Variants in FAM83G observed in about 807,000 individuals in gnomAD.
The protein encoded by FAM83G is scaffolding CK1 anchoring protein G, also known as protein FAM83G.
Under a neutral mutation model 61.5 loss-of-function variants are expected in FAM83G, and 38 were observed. That is an observed-to-expected ratio of 0.62 (90% CI 0.48 to 0.81). The LOEUF (loss-of-function observed/expected upper bound fraction) is 0.81. Among genes scored for constraint, FAM83G ranks in the 30% least tolerant of loss-of-function variants. The pLI is 0.00. For missense variants in FAM83G, 989 were observed against 1,133.6 expected, an observed-to-expected ratio of 0.87 and a Z score of 1.83; for synonymous variants, 470 against 476.1, an observed-to-expected ratio of 0.99 and a Z score of 0.17.
At chr17:18,989,338 T>C (rs565361754) in intron 2 of FAM83G, among the ~76,000 whole-genome samples, 48 of 152,238 alleles carry the variant, frequency 3.2e-4, no homozygotes, top group Middle Eastern at 3.4e-3. Flanking sequence ...ATGCGGAGAT[T>C]CAGGGTGGTG....
At chr17:18,982,558 G>A (rs969009398) in intron 3 of FAM83G, among the ~76,000 whole-genome samples, 4 of 152,210 alleles carry the variant, frequency 2.6e-5, no homozygotes, top group Non-Finnish European at 5.9e-5. Flanking sequence ...TCATAAGTAA[G>A]AGAGGACGTC....
chr17:18,985,685 C>A (rs1199211107), intron 3 of FAM83G, among the ~76,000 whole-genome samples: 1 of 152,204 alleles, frequency 6.6e-6, no homozygotes, highest in Non-Finnish European at 1.5e-5. Context: ...AGCTCAGAGG[C>A]GAGAATGAGG....
At position 19,003,696 on chromosome 17, in the gene FAM83G, A is replaced by C. The variant is rs1369055750; in HGVS notation, c.346T>G (p.Ser116Ala). 1.2e-6 allele frequency: 2 copies of C among 1,607,802 alleles called. No individual in the cohort carries two copies. The part of the protein sequence containing the change: ...GVPIEAEPLP[S>A]LEYWPQKSDR... ...GACTTCTGGGGCCAGTACTCCAGGGAGGGCAGCGGCTCGGCCTCGATGGGG... is the reference window on the plus strand; with the variant it reads ...GACTTCTGGGGCCAGTACTCCAGGGCGGGCAGCGGCTCGGCCTCGATGGGG... Residue 116 changes from serine (S) to alanine (A), a missense_variant, in exon 2 of 6, where the codon TCC (serine) becomes GCC (alanine). This residue lies in a region of FAM83G where 371 missense variants were observed against 404.5 expected (regional missense o/e 0.92). Coordinates refer to ENST00000388995, the MANE Select transcript of FAM83G (RefSeq NM_001039999.3). This position sits in a 1 kb window ranked among gnomAD's most constrained non-coding sequence, Gnocchi z 4.5.
chr17:18,988,527 C>T (rs2043326467), intron 2 of FAM83G, 113 bp from the exon 3 acceptor site: 1 of 1,517,116 alleles, frequency 6.6e-7, no homozygotes, highest in East Asian at 2.3e-5. Flanking sequence ...GGTGCCCACT[C>T]TGGCCCTACT....
At chr17:18,983,958 AT>A (rs1365407026) in intron 3 of FAM83G, among the ~76,000 whole-genome samples, 1 of 152,182 alleles carries the variant, frequency 6.6e-6, no homozygotes, top group Non-Finnish European at 1.5e-5. Context: ...GTTTAACAAC[AT>A]CCTTGGCCAC....
Position 18,978,848 on chromosome 17 carries a change from A to G in FAM83G, c.818T>C (p.Phe273Ser). The change falls in exon 5 of 6, where the codon TTC becomes TCC. Residue 273 changes from phenylalanine (F) to serine (S), a missense_variant and splice_region_variant. Physicochemically the swap from Phe to Ser is radical, Grantham distance 155. This residue lies in a region of FAM83G where 371 missense variants were observed against 404.5 expected (regional missense o/e 0.92). Transcript: ENST00000388995. The part of the protein sequence containing the change: ...GDRAVCGSYS[F>S]TWSAARTDRN... The stretch of plus-strand genomic sequence containing the variant: ...GTCCGTCCGCGCGGCCGACCACGTG[A>G]AGCTGCAACAGAGGGAGGGGGCGCT... The G allele has an allele frequency of 6.2e-7, 1 of 1,611,254 alleles. No homozygotes were observed. Among genetic ancestry groups the G allele is most frequent in the Non-Finnish European group, 8.5e-7 (1 of 1,178,622 alleles).
In FAM83G at chr17:18,971,885, T is replaced by A; in HGVS notation, c.2083-137A>T. 1 of 890,188 alleles carries A rather than the reference T, an allele frequency of 1.1e-6. No homozygotes were observed. The highest frequency in any genetic ancestry group is 1.7e-6 in the Non-Finnish European group (1 of 601,626). 55.1% of individuals were successfully genotyped at this position (890,188 alleles called of 1,614,324 possible). On this transcript the variant is annotated intron_variant, in intron 5 of 5. Transcript: ENST00000388995. This position sits in a 1 kb window ranked among gnomAD's most constrained non-coding sequence, Gnocchi z 5.5. ...TCTGCCATTCACCAGGGAGTGGGCC[T>A]AGACCAGTTGGTTTAGTCACTCGAT...
Position 18,999,952 on chromosome 17 carries a change from G to C in FAM83G, c.522+3568C>G, listed in dbSNP as rs116333723. 3.2e-3 allele frequency among the ~76,000 whole-genome samples: 483 copies of C among 152,356 alleles called. 5 individuals are homozygous for C. The highest frequency in any genetic ancestry group is 0.011 in the African/African-American group (463 of 41,578). On this transcript the variant is annotated intron_variant, in intron 2 of 5. Transcript: ENST00000388995. ...CCCCCTGCTGTGTCCTGTTGAGGGG[G>C]GCTCAGCATCTGCTGGAGGAGCAAC...
intron 5 of FAM83G, chr17:18,976,803 C>T (rs1199745967): frequency 6.2e-7 from 1 of 1,601,846 alleles, no homozygotes. Context: ...CCAATCCTGA[C>T]ACAAGTGTCC....
Position 18,971,095 on chromosome 17 carries a change from C to G in FAM83G, c.*264G>C. 1.2e-6 allele frequency: 2 copies of G among 1,614,102 alleles called. No individual in the cohort carries two copies. The stretch of plus-strand genomic sequence containing the variant: ...CCTCCAGGACCATTGCCAACACCAC[C>G]TGCCACCTGCCACGTACAGACGCCA... On this transcript the variant is annotated 3_prime_UTR_variant, in exon 6 of 6. Coordinates refer to ENST00000388995, the MANE Select transcript of FAM83G (RefSeq NM_001039999.3). This position sits in a 1 kb window ranked among gnomAD's most constrained non-coding sequence, Gnocchi z 5.5.
At chr17:18,994,626 A>G (rs1335922628) in intron 2 of FAM83G, among the ~76,000 whole-genome samples, 1 of 152,158 alleles carries the variant, frequency 6.6e-6, no homozygotes, top group Non-Finnish European at 1.5e-5. Context: ...AGGACCGGGA[A>G]TAGTGTATGT....
rs1351487425 is a variant in FAM83G at position 18,971,870 on chromosome 17, A to T, written c.2083-122T>A. ...GGTTCGCCTCCTGGCTCTGCCATTC[A>T]CCAGGGAGTGGGCCTAGACCAGTTG... On this transcript the variant is annotated intron_variant, in intron 5 of 5. Coordinates refer to ENST00000388995, the MANE Select transcript of FAM83G (RefSeq NM_001039999.3). The surrounding 1 kb of genome is among the most constrained non-coding windows in gnomAD (Gnocchi z 5.5). 18 of 1,052,876 alleles carry T rather than the reference A, an allele frequency of 1.7e-5. No individual in the cohort carries two copies. The highest frequency in any genetic ancestry group is 2.3e-5 in the Non-Finnish European group (17 of 744,404). The allele number at this position is 1,052,876 out of a possible 1,614,324, so 65.2% of individuals were successfully genotyped here. A position where few individuals can be genotyped will look rare whatever the true frequency, so the allele number is the denominator to read the frequency against.
At chr17:19,002,827 G>A (rs899300448) in intron 2 of FAM83G, among the ~76,000 whole-genome samples, 2 of 152,198 alleles carry the variant, frequency 1.3e-5, no homozygotes, top group Admixed American at 6.5e-5. Flanking sequence ...GGGTGGAGAA[G>A]GGGAGGGCCA....
At chr17:18,992,276 G>T (rs751721108) in intron 2 of FAM83G, among the ~76,000 whole-genome samples, 1 of 152,186 alleles carries the variant, frequency 6.6e-6, no homozygotes, top group African/African-American at 2.4e-5. Flanking sequence ...GGGACAGGGG[G>T]ACATCCGCCT....
chr17:18,976,662 G>T, intron 5 of FAM83G: 2 of 662,024 alleles, frequency 3.0e-6, no homozygotes, highest in Non-Finnish European at 5.0e-6. Context: ...CTCGCTGCTT[G>T]GCCTGCTGAA....
Position 18,988,267 on chromosome 17 carries a change from T to C in FAM83G, c.670A>G (p.Met224Val), listed in dbSNP as rs767174988. 5.0e-6 allele frequency: 8 copies of C among 1,612,532 alleles called. No individual in the cohort carries two copies. Among genetic ancestry groups the C allele is most frequent in the Middle Eastern group, 3.3e-4 (2 of 6,072 alleles). The change falls in exon 3 of 6, where the codon ATG becomes GTG. Residue 224 changes from methionine to valine, a missense_variant. Met to Val is a conservative substitution (Grantham distance 21). Around this residue, in one of 3 missense-constraint regions of FAM83G, gnomAD observed 371 missense variants for 404.5 expected, o/e 0.92. Transcript: ENST00000388995. ...CTCACCTTGAGGTGCCCCAGGTGCA[T>C]GCAGGCCCGCTCACACATGTGCAGG... ...YFLHMCERAC[M>V]HLGHLKNLRV...
Position 18,971,380 on chromosome 17 carries a change from G to A in FAM83G, c.2451C>T (p.Pro817=), listed in dbSNP as rs992192964. 6.2e-7 allele frequency: 1 copy of A among 1,608,004 alleles called. No individual in the cohort carries two copies. The highest frequency in any genetic ancestry group is 8.5e-7 in the Non-Finnish European group (1 of 1,178,220). ...GCTGCTAGGGGTCTTTGCGGTCCCGGGGGGCTTGAGCCCTCCGTTTAGAAT... is the reference window on the plus strand; with the variant it reads ...GCTGCTAGGGGTCTTTGCGGTCCCGAGGGGCTTGAGCCCTCCGTTTAGAAT... ...SSDSKRRAQA[P]RDRKDP is the part of the protein sequence containing the mutation. The change falls in exon 6 of 6, where the codon CCC becomes CCT. Residue 817 remains proline, a synonymous_variant. Transcript: ENST00000388995. The surrounding 1 kb of genome is among the most constrained non-coding windows in gnomAD (Gnocchi z 5.5).
At position 18,977,958 on chromosome 17, in the gene FAM83G, C is replaced by T. The variant is rs377259741; in HGVS notation, c.1708G>A (p.Val570Met). ...VTQDDPESLG[V>M]GLPNGLDGVE... ...CCATCCAGCCCATTGGGGAGCCCCA[C>T]CCCGAGGCTCTCGGGGTCATCCTGG... Residue 570 changes from valine (V) to methionine (M), a missense_variant, in exon 5 of 6, where the codon GTG (valine) becomes ATG (methionine). Physicochemically the swap from Val to Met is conservative, Grantham distance 21. Around this residue, in one of 3 missense-constraint regions of FAM83G, gnomAD observed 574 missense variants for 645.1 expected, o/e 0.89. Transcript: ENST00000388995. The T allele has an allele frequency of 9.8e-5, 156 of 1,599,426 alleles. 1 individual carries two copies. The highest frequency in any genetic ancestry group is 5.0e-4 in the Middle Eastern group (3 of 6,038).
upstream of FAM83G, chr17:19,004,774 G>A (rs1247943105): frequency 2.0e-5 from 3 of 150,266 alleles, no homozygotes; most frequent in African/African-American, 7.3e-5. The surrounding 1 kb of genome is among the most constrained non-coding windows in gnomAD (Gnocchi z 5.4). Flanking sequence ...GGCTGGGCGG[G>A]GGCGCGCCGG....
Sources: gnomAD v4.1 joint callset for allele counts (sites outside exome capture counted in the v4.1 genomes callset) on GRCh38, gnomAD v4.1.1 for gene constraint, gnomAD v4.1.1 regional missense constraint, Gnocchi (gnomAD v3.1) non-coding constraint, MANE v1.5 for transcripts, NCBI Gene and HGNC (gene_info 2026-07-23, HGNC 2026-07-21) for gene names.